Variants in DSTN observed in about 807,000 individuals in gnomAD.
The protein encoded by DSTN is destrin, actin depolymerizing factor.
In DSTN, 10 loss-of-function variants were observed where a neutral mutation model predicts 16.8. The observed-to-expected ratio is 0.60, with a 90% CI of 0.37 to 1.01. DSTN has a LOEUF of 1.01. Among genes scored for constraint, DSTN ranks in the 50% least tolerant of loss-of-function variants. The pLI, the probability that DSTN is intolerant of heterozygous loss-of-function variation, is 0.01. For missense variants in DSTN, 141 were observed against 196.7 expected, an observed-to-expected ratio of 0.72 and a Z score of 1.69; for synonymous variants, 57 against 58.9, an observed-to-expected ratio of 0.97 and a Z score of 0.14.
intron 1 of DSTN, among the ~76,000 whole-genome samples, chr20:17,592,935 C>T (rs376106358): frequency 6.6e-6 from 1 of 152,192 alleles, no homozygotes; most frequent in African/African-American, 2.4e-5. Context: ...GGAGTGCCTA[C>T]TATAATTTTC....
intron 1 of DSTN, chr20:17,592,190 C>A: frequency 1.3e-6 from 1 of 753,362 alleles, no homozygotes; most frequent in Non-Finnish European, 1.6e-6. Flanking sequence ...TTTTGGGAGG[C>A]CAAGGCAGGC....
chr20:17,602,349 GT>G (rs2122207813), intron 2 of DSTN, among the ~76,000 whole-genome samples: 1 of 152,340 alleles, frequency 6.6e-6, no homozygotes, highest in East Asian at 1.9e-4. Flanking sequence ...AATAAAACAG[GT>G]TAAGTCCTTC....
At chr20:17,605,013 A>G in intron 3 of DSTN, 1 of 455,886 alleles carries the variant, frequency 2.2e-6, no homozygotes, top group Non-Finnish European at 4.4e-6. Context: ...ATAAAGTTGC[A>G]AAAAGGAAAT....
At chr20:17,606,365 A>G (rs2035642894) in intron 3 of DSTN, among the ~76,000 whole-genome samples, 1 of 152,220 alleles carries the variant, frequency 6.6e-6, no homozygotes. Context: ...TAAGAAAGCA[A>G]TCAGTAACAT....
At chr20:17,585,555 A>G (rs958980678) in intron 1 of DSTN, among the ~76,000 whole-genome samples, 21 of 152,328 alleles carry the variant, frequency 1.4e-4, no homozygotes, top group Admixed American at 8.5e-4. Context: ...TAAAAATTAT[A>G]TATCTAATTT....
intron 1 of DSTN, among the ~76,000 whole-genome samples, chr20:17,574,658 G>A (rs562859722): frequency 5.9e-4 from 86 of 146,534 alleles, no homozygotes; most frequent in African/African-American, 2.0e-3. Context: ...CCCAGGAGGC[G>A]GAGGTTGTAG....
At chr20:17,590,088 T>C (rs1399008858) in intron 1 of DSTN, among the ~76,000 whole-genome samples, 1 of 152,236 alleles carries the variant, frequency 6.6e-6, no homozygotes, top group Non-Finnish European at 1.5e-5. Context: ...TCATTGCATT[T>C]AGCTTTTGGA....
chr20:17,592,164 G>A, intron 1 of DSTN: 2 of 943,980 alleles, frequency 2.1e-6, no homozygotes, highest in Non-Finnish European at 2.5e-6. Flanking sequence ...GGTGGCTCAT[G>A]CCTGTAATCC....
In DSTN at chr20:17,604,583, A is replaced by G; in HGVS notation, c.340A>G (p.Lys114Glu). 1 of 1,613,444 alleles carries G rather than the reference A, an allele frequency of 6.2e-7. No homozygotes were observed. Among genetic ancestry groups the G allele is most frequent in the Non-Finnish European group, 8.5e-7 (1 of 1,179,874 alleles). The part of the protein sequence containing the change: ...WAPELAPLKS[K>E]MIYASSKDAI... Reference sequence around the variant, plus strand: ...ACCAGAACTAGCACCTCTGAAAAGTAAAATGATCTATGCAAGCTCCAAGGA... The same window carrying G: ...ACCAGAACTAGCACCTCTGAAAAGTGAAATGATCTATGCAAGCTCCAAGGA... The change falls in exon 3 of 4, where the codon AAA (lysine) becomes GAA (glutamate). Residue 114 changes from lysine to glutamate, a missense_variant. Lys to Glu is a moderately conservative substitution (Grantham distance 56). Coordinates refer to ENST00000246069, the MANE Select transcript of DSTN (RefSeq NM_006870.4).
intron 1 of DSTN, among the ~76,000 whole-genome samples, chr20:17,571,897 C>T (rs377676015): frequency 6.6e-6 from 1 of 152,130 alleles, no homozygotes; most frequent in Non-Finnish European, 1.5e-5. Flanking sequence ...TTTCCAAATA[C>T]GCTTCAAAAT....
chr20:17,583,087 AT>A (rs1210488898), intron 1 of DSTN, among the ~76,000 whole-genome samples: 1 of 152,272 alleles, frequency 6.6e-6, no homozygotes, highest in African/African-American at 2.4e-5. Flanking sequence ...TAATAAGCCA[AT>A]GGAAAAAAAT....
intron 1 of DSTN, among the ~76,000 whole-genome samples, chr20:17,598,210 A>G (rs2035549275): frequency 6.6e-6 from 1 of 152,108 alleles, no homozygotes; most frequent in African/African-American, 2.4e-5. Context: ...TATATACCTA[A>G]GAGTGGAATT....
intron 1 of DSTN, among the ~76,000 whole-genome samples, chr20:17,597,852 C>T (rs1304265524): frequency 6.6e-6 from 1 of 152,086 alleles, no homozygotes; most frequent in Non-Finnish European, 1.5e-5. Context: ...ACTCCCCATT[C>T]CCCTTTTTTC....
intron 1 of DSTN, among the ~76,000 whole-genome samples, chr20:17,583,594 G>A (rs1268512783): frequency 2.1e-5 from 3 of 139,652 alleles, no homozygotes; most frequent in Admixed American, 7.4e-5. Flanking sequence ...AGTCCCAAAA[G>A]ATGACATATT....
intron 1 of DSTN, among the ~76,000 whole-genome samples, chr20:17,571,246 C>G (rs535736535): frequency 3.9e-4 from 59 of 152,368 alleles, no homozygotes; most frequent in African/African-American, 1.4e-3. Context: ...GCAGGCGTAG[C>G]CTTACCAGAC....
chr20:17,570,548 C>G (rs750831285), intron 1 of DSTN, among the ~76,000 whole-genome samples: 45 of 152,148 alleles, frequency 3.0e-4, no homozygotes, highest in Non-Finnish European at 5.7e-4. Context: ...TCTGTGAAAT[C>G]CATCCGGGGG....
At chr20:17,574,829 CTTTCTTTTTTCTTTCTTTTCTTTTTCT>C (rs1347967158) in intron 1 of DSTN, among the ~76,000 whole-genome samples, 52 of 134,016 alleles carry the variant, frequency 3.9e-4, no homozygotes, top group African/African-American at 1.4e-3. Flanking sequence ...CCTTTTTTTC[CTTTCTTTTTTCTTTCTTTTCTTTTTCT>C]TTTCTTTTCT....
intron 3 of DSTN, among the ~76,000 whole-genome samples, chr20:17,606,258 C>T (rs935720154): frequency 6.6e-6 from 1 of 152,188 alleles, no homozygotes; most frequent in African/African-American, 2.4e-5. Context: ...TGGGAATAAC[C>T]ATGCAGCTAT....
chr20:17,580,461 A>G (rs2035329661), intron 1 of DSTN, among the ~76,000 whole-genome samples: 1 of 152,094 alleles, frequency 6.6e-6, no homozygotes, highest in Non-Finnish European at 1.5e-5. Flanking sequence ...AATAGGGAGT[A>G]CTAAGGCCAG....
Sources: gnomAD v4.1 joint callset for allele counts (sites outside exome capture counted in the v4.1 genomes callset) on GRCh38, gnomAD v4.1.1 for gene constraint, MANE v1.5 for transcripts, NCBI Gene and HGNC (gene_info 2026-07-23, HGNC 2026-07-21) for gene names.